CAST: variants seen among roughly 807,000 people sequenced by gnomAD.
CAST encodes calpastatin, also known as MIR583 host.
Under a neutral mutation model 119.6 loss-of-function variants are expected in CAST, and 76 were observed. The observed-to-expected ratio is 0.64, with a 90% confidence interval of 0.53 to 0.77. CAST has a LOEUF of 0.77. Among genes scored for constraint, CAST ranks in the 30% least tolerant of loss-of-function variants. The pLI is 0.00. For missense variants in CAST, 953 were observed against 946.5 expected (o/e 1.01, Z -0.09); for synonymous variants, 319 against 331.6 (o/e 0.96, Z 0.41).
the CAST span, among the ~76,000 whole-genome samples, chr5:96,031,985 C>T: frequency 2.9e-4 from 44 of 152,084 alleles, no homozygotes; most frequent in African/African-American, 9.9e-4. Flanking sequence ...GGCTTATTGC[C>T]GTGACTTGTT....
chr5:96,459,079 A>C, the CAST span, among the ~76,000 whole-genome samples: 1 of 152,132 alleles, frequency 6.6e-6, no homozygotes, highest in African/African-American at 2.4e-5. Context: ...GAGTGCTTCT[A>C]TACTGTATAC....
chr5:96,459,289 T>C, the CAST span, among the ~76,000 whole-genome samples: 2 of 152,116 alleles, frequency 1.3e-5, no homozygotes, highest in Non-Finnish European at 2.9e-5. Context: ...TTGTGTTAAG[T>C]AGATGACCAC....
the CAST span, among the ~76,000 whole-genome samples, chr5:96,490,793 C>T: frequency 1.3e-5 from 2 of 151,818 alleles, no homozygotes; most frequent in Admixed American, 6.6e-5. Flanking sequence ...AACAATAAAA[C>T]TTTCAGAAGA....
chr5:96,068,990 TG>T, the CAST span, among the ~76,000 whole-genome samples: 3 of 151,286 alleles, frequency 2.0e-5, no homozygotes, highest in South Asian at 6.2e-4. Flanking sequence ...TATATACGGA[TG>T]TATATATGTA....
At chr5:96,008,466 C>A in the CAST span, among the ~76,000 whole-genome samples, 2,778 of 151,756 alleles carry the variant, frequency 0.018, 80 homozygotes, top group African/African-American at 0.063. Context: ...GTCATTTTTT[C>A]TTTTTTCTGG....
chr5:96,589,798 T>C (rs1746931334), intron 1 of CAST, among the ~76,000 whole-genome samples: 1 of 152,186 alleles, frequency 6.6e-6, no homozygotes, highest in South Asian at 2.1e-4. Context: ...AATAATCAGC[T>C]ATCACGTCTC....
the CAST span, among the ~76,000 whole-genome samples, chr5:96,105,629 C>T: frequency 1.3e-3 from 196 of 152,176 alleles, 1 homozygote; most frequent in African/African-American, 3.4e-3. Context: ...CTGCTGGATT[C>T]GGTTTGGCAG....
intron 4 of CAST, among the ~76,000 whole-genome samples, chr5:96,725,351 T>C (rs1759062839): frequency 6.6e-6 from 1 of 152,202 alleles, no homozygotes; most frequent in Non-Finnish European, 1.5e-5. Flanking sequence ...GGACAATTCC[T>C]GTCCTAAGCA....
the CAST span, among the ~76,000 whole-genome samples, chr5:96,405,173 G>A: frequency 6.6e-6 from 1 of 152,128 alleles, no homozygotes; most frequent in Non-Finnish European, 1.5e-5. Context: ...GGATATAAAT[G>A]TTAAGATAGA....
the CAST span, among the ~76,000 whole-genome samples, chr5:96,508,854 G>A: frequency 6.6e-6 from 1 of 152,212 alleles, no homozygotes; most frequent in Non-Finnish European, 1.5e-5. Context: ...CTAAAATGGA[G>A]GGGAGAAAAT....
the CAST span, among the ~76,000 whole-genome samples, chr5:96,134,013 C>T: frequency 6.6e-6 from 1 of 152,184 alleles, no homozygotes; most frequent in Non-Finnish European, 1.5e-5. Flanking sequence ...TGGCAACAAA[C>T]GTTGAGGAAC....
At chr5:96,770,503 T>G in intron 29 of CAST, 28 bp from the exon 30 acceptor site, 1 of 1,511,788 alleles carries the variant, frequency 6.6e-7, no homozygotes, top group South Asian at 1.1e-5. Context: ...GTGATAGCCA[T>G]AGCCTCATTA....
the CAST span, among the ~76,000 whole-genome samples, chr5:96,218,784 A>G: frequency 6.6e-6 from 1 of 152,226 alleles, no homozygotes; most frequent in South Asian, 2.1e-4. Flanking sequence ...CACTTCAATA[A>G]GGTCTGGCAA....
chr5:96,085,498 C>CA, the CAST span, among the ~76,000 whole-genome samples: 1 of 152,190 alleles, frequency 6.6e-6, no homozygotes, highest in African/African-American at 2.4e-5. Flanking sequence ...GCACTGCTGT[C>CA]AGCAGCAATG....
chr5:96,588,084 A>C (rs1746889015), intron 1 of CAST, among the ~76,000 whole-genome samples: 1 of 152,076 alleles, frequency 6.6e-6, no homozygotes, highest in Non-Finnish European at 1.5e-5. Context: ...CTTCAAAAGG[A>C]ATAATAGTTT....
chr5:96,608,177 T>C (rs1747296027), intron 1 of CAST, among the ~76,000 whole-genome samples: 1 of 152,190 alleles, frequency 6.6e-6, no homozygotes, highest in African/African-American at 2.4e-5. Context: ...AGATTCCACA[T>C]ATGAGTGAGA....
At chr5:96,149,397 A>G in the CAST span, among the ~76,000 whole-genome samples, 1 of 152,108 alleles carries the variant, frequency 6.6e-6, no homozygotes, top group Non-Finnish European at 1.5e-5. Context: ...CACCATCCCT[A>G]TGCACTTGGT....
chr5:96,370,765 GA>G, the CAST span, among the ~76,000 whole-genome samples: 1 of 152,210 alleles, frequency 6.6e-6, no homozygotes, highest in Non-Finnish European at 1.5e-5. Flanking sequence ...GGAATTATGA[GA>G]AAACATGTAA....
chr5:96,681,732 C>CA (rs70981836), intron 2 of CAST, among the ~76,000 whole-genome samples: 6,863 of 89,070 alleles, frequency 0.077, 272 homozygotes, highest in Middle Eastern at 0.11. Context: ...GACTCCGTCT[C>CA]AAAAAAAAAA....
Sources: gnomAD v4.1 joint callset for allele counts (sites outside exome capture counted in the v4.1 genomes callset) on GRCh38, gnomAD v4.1.1 for gene constraint, MANE v1.5 for transcripts, NCBI Gene and HGNC (gene_info 2026-07-23, HGNC 2026-07-21) for gene names.